The following AUTS2 variants were observed in gnomAD, a reference collection of about 807,000 sequenced individuals.
The protein encoded by AUTS2 is autism susceptibility gene 2 protein.
AUTS2 carries 17 observed loss-of-function variants against 112.4 expected under a neutral mutation model. The ratio of observed to expected loss-of-function variants is 0.15; its 90% confidence interval spans 0.10 to 0.23. The LOEUF (loss-of-function observed/expected upper bound fraction) is 0.23. Among genes scored for constraint, AUTS2 ranks in the 10% least tolerant of loss-of-function variants. The pLI is 1.00. For missense variants in AUTS2, 1,510 were observed against 1,701.6 expected (o/e 0.89, Z 1.98); for synonymous variants, 751 against 702.7 (o/e 1.07, Z -1.09).
At chr7:70,757,754 C>G (rs1417778967) in intron 6 of AUTS2, among the ~76,000 whole-genome samples, 3 of 149,604 alleles carry the variant, frequency 2.0e-5, no homozygotes, top group Admixed American at 6.7e-5. Context: ...TCCCAAGCCC[C>G]TAAACAGGTA....
chr7:70,674,339 A>G (rs1187578669), intron 5 of AUTS2, among the ~76,000 whole-genome samples: 3 of 152,200 alleles, frequency 2.0e-5, no homozygotes, highest in Admixed American at 6.5e-5. Flanking sequence ...GTCTAACTAC[A>G]TGTCTCAGAA....
intron 5 of AUTS2, among the ~76,000 whole-genome samples, chr7:70,642,594 C>T (rs998971601): frequency 9.9e-5 from 15 of 152,234 alleles, no homozygotes; most frequent in Middle Eastern, 3.4e-3. Flanking sequence ...TCAGCTTTGC[C>T]GAGCCTTAAC....
At chr7:69,918,663 C>T (rs1795688092) in intron 2 of AUTS2, among the ~76,000 whole-genome samples, 1 of 152,128 alleles carries the variant, frequency 6.6e-6, no homozygotes, top group Non-Finnish European at 1.5e-5. Flanking sequence ...TAAAAAGTGA[C>T]CACAAGTGTG....
At chr7:70,574,537 C>T in intron 5 of AUTS2, among the ~76,000 whole-genome samples, 1 of 152,214 alleles carries the variant, frequency 6.6e-6, no homozygotes, top group East Asian at 1.9e-4. Flanking sequence ...AACGTTTGAA[C>T]TCCTGTTTTG....
At chr7:69,609,753 C>A (rs1202439952) in intron 1 of AUTS2, among the ~76,000 whole-genome samples, 1 of 152,178 alleles carries the variant, frequency 6.6e-6, no homozygotes, top group South Asian at 2.1e-4. Flanking sequence ...AATATTAAAT[C>A]CACATGACGT....
intron 5 of AUTS2, among the ~76,000 whole-genome samples, chr7:70,509,055 C>A (rs1799081625): frequency 6.6e-6 from 1 of 152,192 alleles, no homozygotes; most frequent in Admixed American, 6.5e-5. Context: ...GAGATCTAGT[C>A]TTCTACATCC....
Position 70,160,561 on chromosome 7 carries a change from G to A in AUTS2, c.660+25990G>A, listed in dbSNP as rs572962562. Among the ~76,000 whole-genome samples the A allele has an allele frequency of 5.4e-4, 82 of 152,328 alleles. 1 individual carries two copies. The South Asian group carries it at 6.6e-3, about 12-fold the overall frequency. On this transcript the variant is annotated intron_variant, in intron 4 of 18. Transcript: ENST00000342771. Reference sequence around the variant, plus strand: ...GTGACTAAATTTGATGCTCAGAAAAGATGGTCTTAACAAAGAGTTCTTTCT... The same window carrying A: ...GTGACTAAATTTGATGCTCAGAAAAAATGGTCTTAACAAAGAGTTCTTTCT...
Position 70,583,115 on chromosome 7 carries a change from CT to C in AUTS2, c.691-115452del, listed in dbSNP as rs546266568. ...GACCTTGGGGCCGCCCCTGGCTGGT[CT>C]TCCTGCTGCCCGTGGATTAGCCTAG... is the stretch of plus-strand genomic sequence containing the variant. On this transcript the variant is annotated intron_variant, in intron 5 of 18. Transcript: ENST00000342771. 9.8e-5 allele frequency among the ~76,000 whole-genome samples: 15 copies of C among 152,326 alleles called. No individual in the cohort carries two copies. The South Asian group carries it at 3.1e-3, about 32-fold the overall frequency.
intron 5 of AUTS2, among the ~76,000 whole-genome samples, chr7:70,676,112 A>G (rs1807897315): frequency 6.6e-6 from 1 of 152,232 alleles, no homozygotes; most frequent in East Asian, 1.9e-4. Context: ...TTGGTATAAA[A>G]GGTTATTCCT....
At chr7:70,549,363 T>G (rs1800925902) in intron 5 of AUTS2, among the ~76,000 whole-genome samples, 1 of 152,200 alleles carries the variant, frequency 6.6e-6, no homozygotes. Flanking sequence ...TTTCTTTTTC[T>G]TGCCTGATAC....
intron 1 of AUTS2, among the ~76,000 whole-genome samples, chr7:69,634,948 A>C (rs1794448109): frequency 1.3e-5 from 2 of 152,106 alleles, no homozygotes; most frequent in Non-Finnish European, 2.9e-5. Flanking sequence ...TTTCAGGGCA[A>C]AATGTTCTAA....
intron 5 of AUTS2, among the ~76,000 whole-genome samples, chr7:70,472,687 G>A (rs1452213477): frequency 2.6e-5 from 4 of 152,276 alleles, no homozygotes; most frequent in South Asian, 2.1e-4. Context: ...ACACTCGTCT[G>A]CATTTTTAGG....
chr7:70,747,861 G>T (rs534403457), intron 6 of AUTS2, among the ~76,000 whole-genome samples: 1 of 150,722 alleles, frequency 6.6e-6, no homozygotes, highest in Non-Finnish European at 1.5e-5. Flanking sequence ...TCGCTCTGTC[G>T]CCCAGGCTGG....
At chr7:70,524,206 G>A (rs1333184327) in intron 5 of AUTS2, among the ~76,000 whole-genome samples, 1 of 152,156 alleles carries the variant, frequency 6.6e-6, no homozygotes, top group Non-Finnish European at 1.5e-5. Flanking sequence ...AAATAATAAA[G>A]CAGAAAGGAA....
chr7:70,456,389 A>G (rs1216808038), intron 5 of AUTS2, among the ~76,000 whole-genome samples: 6 of 152,254 alleles, frequency 3.9e-5, no homozygotes, highest in Non-Finnish European at 7.3e-5. Flanking sequence ...CATCTATCCA[A>G]ATGAACATGT....
chr7:70,618,432 C>T (rs938674258), intron 5 of AUTS2, among the ~76,000 whole-genome samples: 1 of 152,166 alleles, frequency 6.6e-6, no homozygotes, highest in African/African-American at 2.4e-5. Context: ...TTACTTAGCT[C>T]GCAGTTTATG....
intron 4 of AUTS2, among the ~76,000 whole-genome samples, chr7:70,148,089 CT>C (rs1807230160): frequency 6.6e-6 from 1 of 151,976 alleles, no homozygotes; most frequent in Admixed American, 6.6e-5. Context: ...TTAATCATAT[CT>C]GATTAAATGA....
intron 5 of AUTS2, among the ~76,000 whole-genome samples, chr7:70,606,432 T>A (rs1803768332): frequency 6.6e-6 from 1 of 152,214 alleles, no homozygotes; most frequent in South Asian, 2.1e-4. Flanking sequence ...ATGCATTTGG[T>A]CAATAGCATT....
chr7:70,269,422 G>A (rs1468073320), intron 4 of AUTS2, among the ~76,000 whole-genome samples: 1 of 152,126 alleles, frequency 6.6e-6, no homozygotes, highest in African/African-American at 2.4e-5. Flanking sequence ...GGGTGTTCTG[G>A]TCTTGTCACA....
Sources: allele counts gnomAD v4.1 joint callset (sites outside exome capture counted in the v4.1 genomes callset), GRCh38; gene constraint gnomAD v4.1.1; transcripts MANE v1.5; gene names NCBI Gene and HGNC (gene_info 2026-07-23, HGNC 2026-07-21).